STK36: variants seen among roughly 807,000 people sequenced by gnomAD.
STK36 encodes the protein serine/threonine kinase 36.
Under a neutral mutation model 142.2 loss-of-function variants are expected in STK36, and 116 were observed. That is an observed-to-expected ratio of 0.82 (90% CI 0.70 to 0.95). The LOEUF (loss-of-function observed/expected upper bound fraction) is 0.95, where lower values mean the gene tolerates loss of function less well. Ranked by LOEUF, STK36 falls within the 40% of genes least tolerant of loss-of-function variation. The pLI, the probability that STK36 is intolerant of heterozygous loss-of-function variation, is 0.00. For missense variants in STK36, 1,422 were observed against 1,617.2 expected, an observed-to-expected ratio of 0.88 and a Z score of 2.07; for synonymous variants, 619 against 641.7, an observed-to-expected ratio of 0.96 and a Z score of 0.53.
chr2:218,690,848 T>C (rs1317630754), intron 14 of STK36, among the ~76,000 whole-genome samples: 5 of 152,182 alleles, frequency 3.3e-5, no homozygotes, highest in African/African-American at 1.2e-4. Context: ...AGTTAACCAC[T>C]GCAGAAGATG....
rs777081098 is a variant in STK36, at chr2:218,680,598, G to A, written c.1137-5G>A. ...CCCGTTCTACCCCTTGGCTTCCTCC[G>A]GCAGGGAAAACCGGACCACCCCAGA... On this transcript the variant is annotated splice_region_variant and splice_polypyrimidine_tract_variant and intron_variant, in intron 9 of 26. Transcript: ENST00000295709. The A allele has an allele frequency of 2.9e-5, 46 of 1,611,448 alleles. No individual in the cohort carries two copies. The highest frequency in any genetic ancestry group is 2.7e-4 in the Admixed American group (16 of 59,716).
rs781315516 is a variant in STK36, at chr2:218,696,605, C to T, written c.2586+4C>T. The T allele has an allele frequency of 9.3e-6, 15 of 1,613,906 alleles. No individual in the cohort carries two copies. In the Middle Eastern group the frequency reaches 6.6e-4, roughly 71 times the overall value. On this transcript the variant is annotated splice_donor_region_variant and intron_variant, in intron 22 of 26. Transcript: ENST00000295709. ...TCTGTTGCAGCTCCTCACTGAGGTA[C>T]AGATGGATCTTGGGATGGATGGGAA...
intron 10 of STK36, among the ~76,000 whole-genome samples, chr2:218,683,014 C>T (rs1191178222): frequency 6.6e-6 from 1 of 152,160 alleles, no homozygotes. Flanking sequence ...GAATGTTCCT[C>T]AAATTGATTA....
At chr2:218,683,695 A>G (rs894565949) in intron 10 of STK36, among the ~76,000 whole-genome samples, 4 of 152,296 alleles carry the variant, frequency 2.6e-5, no homozygotes, top group Admixed American at 2.0e-4. Flanking sequence ...CTAACTCGTC[A>G]TCTAGCATTA....
At chr2:218,675,591 C>T (rs1228176854) in intron 5 of STK36, 118 bp downstream of exon 5, 4 of 1,208,826 alleles carry the variant, frequency 3.3e-6, no homozygotes, top group South Asian at 1.5e-5. Flanking sequence ...ATGGTGCGAT[C>T]TCCACTCACC....
At chr2:218,687,689 A>G (rs371315878) in intron 11 of STK36, among the ~76,000 whole-genome samples, 1 of 152,182 alleles carries the variant, frequency 6.6e-6, no homozygotes, top group Non-Finnish European at 1.5e-5. Context: ...ATCTTGGACT[A>G]CTTACTTGAC....
At chr2:218,680,992 C>A (rs1453477846) in intron 10 of STK36, among the ~76,000 whole-genome samples, 1 of 152,176 alleles carries the variant, frequency 6.6e-6, no homozygotes, top group Non-Finnish European at 1.5e-5. Flanking sequence ...CACACACATG[C>A]ATAAGCAAAC....
At chr2:218,673,396 A>G in intron 2 of STK36, 2 of 551,352 alleles carry the variant, frequency 3.6e-6, no homozygotes, top group South Asian at 3.0e-5. Context: ...CACTTCTTCC[A>G]GAAGGGGAAA....
At chr2:218,701,029 C>T (rs1473655667) in intron 26 of STK36, among the ~76,000 whole-genome samples, 1 of 150,996 alleles carries the variant, frequency 6.6e-6, no homozygotes, top group Non-Finnish European at 1.5e-5. Context: ...AAAAAAAGCC[C>T]ATTGGAAATC....
At chr2:218,696,716 T>A in intron 22 of STK36, 115 bp downstream of exon 22, 1 of 1,168,794 alleles carries the variant, frequency 8.6e-7, no homozygotes, top group Non-Finnish European at 1.3e-6. Context: ...CTCAAGCTAC[T>A]GTGCCTGTGA....
At position 218,675,732 on chromosome 2, in the gene STK36, C is replaced by T. The variant is rs996976748; in HGVS notation, c.434+259C>T. On this transcript the variant is annotated intron_variant, in intron 5 of 26. Transcript: ENST00000295709. ...AGAGATGGGGTTTCTCCATGTTGGT[C>T]AGGCTGGTCTCGAACTCCTGACCTC... Among the ~76,000 whole-genome samples the T allele has an allele frequency of 2.0e-5, 3 of 152,044 alleles. No individual in the cohort carries two copies. The East Asian group carries it at 5.8e-4, about 29-fold the overall frequency.
intron 22 of STK36, 120 bp downstream of exon 22, chr2:218,696,721 C>A: frequency 8.9e-7 from 1 of 1,126,030 alleles, no homozygotes; most frequent in Non-Finnish European, 1.3e-6. Flanking sequence ...GCTACTGTGC[C>A]TGTGATAGCC....
At chr2:218,681,936 T>TA (rs139720899) in intron 10 of STK36, among the ~76,000 whole-genome samples, 3 of 152,188 alleles carry the variant, frequency 2.0e-5, no homozygotes, top group Non-Finnish European at 4.4e-5. Flanking sequence ...TTATTTTTTT[T>TA]ATTTTTTTGA....
In STK36 at chr2:218,675,410, G is replaced by A. The variant is rs749694153; in HGVS notation, c.371G>A (p.Arg124Gln). Residue 124 changes from arginine (R) to glutamine (Q), a missense_variant, in exon 5 of 27, where the codon CGA (arginine) becomes CAA (glutamine). Coordinates refer to ENST00000295709, the MANE Select transcript of STK36 (RefSeq NM_015690.5). The stretch of plus-strand genomic sequence containing the variant: ...CTGCATTCCCACCGCATCCTACACC[G>A]AGATATGAAGCCTCAGAACATCCTC... The part of the protein sequence containing the change: ...YYLHSHRILH[R>Q]DMKPQNILLA... 20 of 1,613,126 alleles carry A rather than the reference G, an allele frequency of 1.2e-5. No homozygotes were observed. Among genetic ancestry groups the A allele is most frequent in the African/African-American group, 2.7e-5 (2 of 74,700 alleles).
Position 218,694,438 on chromosome 2 carries a change from A to T in STK36, c.2401-87A>T. ...TCTGTTTCTGGAGGCATTCTTTTGG[A>T]CCAGGACAGAGACATAAATCCTCTC... On this transcript the variant is annotated intron_variant, in intron 20 of 26. Coordinates refer to ENST00000295709, the MANE Select transcript of STK36 (RefSeq NM_015690.5). This position sits in a 1 kb window ranked among gnomAD's most constrained non-coding sequence, Gnocchi z 4.4. 6.6e-7 allele frequency: 1 copy of T among 1,525,142 alleles called. No homozygotes were observed. The allele number at this position is 1,525,142 out of a possible 1,614,324, so 94.5% of individuals were successfully genotyped here. A position where few individuals can be genotyped will look rare whatever the true frequency, so the allele number is the denominator to read the frequency against.
In STK36 at chr2:218,680,585, C is replaced by A. The variant is rs191884676; in HGVS notation, c.1137-18C>A. 1.8e-5 allele frequency: 29 copies of A among 1,604,890 alleles called. No homozygotes were observed. The highest frequency in any genetic ancestry group is 2.1e-5 in the Non-Finnish European group (25 of 1,175,270). On this transcript the variant is annotated intron_variant, in intron 9 of 26. Coordinates refer to ENST00000295709, the MANE Select transcript of STK36 (RefSeq NM_015690.5). The stretch of plus-strand genomic sequence containing the variant: ...CATAGGTTTGGAACCCGTTCTACCC[C>A]TTGGCTTCCTCCGGCAGGGAAAACC...
chr2:218,672,351 G>T, intron 1 of STK36, 136 bp downstream of exon 1: 1 of 329,812 alleles, frequency 3.0e-6, no homozygotes, highest in Non-Finnish European at 5.7e-6. Context: ...GGAGCTTGGA[G>T]CTCCTAGGCT....
At chr2:218,676,634 T>C (rs1940261545) in intron 6 of STK36, among the ~76,000 whole-genome samples, 1 of 149,740 alleles carries the variant, frequency 6.7e-6, no homozygotes, top group African/African-American at 2.5e-5. Context: ...TTTTTTTTTT[T>C]GAGACACAGT....
In STK36 at chr2:218,685,191, A is replaced by G; in HGVS notation, c.1343A>G (p.Gln448Arg). The change falls in exon 11 of 27, where the codon CAG becomes CGG. Residue 448 changes from glutamine (Q) to arginine (R), a missense_variant. Around this residue, in one of 2 missense-constraint regions of STK36, gnomAD observed 962 missense variants for 1,167.5 expected, o/e 0.82. Transcript: ENST00000295709. ...LTLLCNPDFC[Q>R]RIQSQLHEAG... ...TTGCTGTGTAATCCTGACTTCTGCCAGCGCATCCAGAGTCAGCTGCATGAA... is the reference window on the plus strand; with the variant it reads ...TTGCTGTGTAATCCTGACTTCTGCCGGCGCATCCAGAGTCAGCTGCATGAA... 6.2e-7 allele frequency: 1 copy of G among 1,614,220 alleles called. No individual in the cohort carries two copies. The highest frequency in any genetic ancestry group is 1.1e-5 in the South Asian group (1 of 91,082).
Sources: gnomAD v4.1 joint callset for allele counts (sites outside exome capture counted in the v4.1 genomes callset) on GRCh38, gnomAD v4.1.1 for gene constraint, gnomAD v4.1.1 regional missense constraint, Gnocchi (gnomAD v3.1) non-coding constraint, MANE v1.5 for transcripts, NCBI Gene and HGNC (gene_info 2026-07-23, HGNC 2026-07-21) for gene names.